SASS6: variants seen among roughly 807,000 people sequenced by gnomAD.
The protein encoded by SASS6 is spindle assembly abnormal protein 6 homolog.
SASS6 carries 59 observed loss-of-function variants against 94.9 expected under a neutral mutation model. The observed-to-expected ratio is 0.62, with a 90% CI of 0.50 to 0.77. The LOEUF (loss-of-function observed/expected upper bound fraction) is 0.77, where lower values mean the gene tolerates loss of function less well. Ranked by LOEUF, SASS6 falls within the 30% of genes least tolerant of loss-of-function variation. The pLI is 0.00. For missense variants in SASS6, 698 were observed against 734.1 expected (o/e 0.95, Z 0.57); for synonymous variants, 264 against 270.0 (o/e 0.98, Z 0.22).
At chr1:100,120,490 T>TG in intron 5 of SASS6, 31 bp from the exon 6 acceptor site, 3 of 982,646 alleles carry the variant, frequency 3.1e-6, no homozygotes, top group Non-Finnish European at 4.9e-6. Flanking sequence ...ATTACACAGT[T>TG]TACAATGTAA....
intron 14 of SASS6, among the ~76,000 whole-genome samples, chr1:100,089,592 A>T (rs892333527): frequency 1.3e-5 from 2 of 152,148 alleles, no homozygotes; most frequent in African/African-American, 2.4e-5. Flanking sequence ...GCAACAACGG[A>T]ATAACATCTT....
intron 7 of SASS6, among the ~76,000 whole-genome samples, chr1:100,114,473 C>G (rs1251080560): frequency 6.6e-6 from 1 of 150,972 alleles, no homozygotes; most frequent in Non-Finnish European, 1.5e-5. Context: ...CATTTGAGGC[C>G]AGAAGATTGA....
Position 100,085,365 on chromosome 1 carries a change from G to A in SASS6, c.1937C>T (p.Ser646Phe), listed in dbSNP as rs1651161176. 1 of 1,613,352 alleles carries A rather than the reference G, an allele frequency of 6.2e-7. No individual in the cohort carries two copies. The highest frequency in any genetic ancestry group is 2.2e-5 in the East Asian group (1 of 44,860). ...TAACTGCCCAGGGAAATAGGCTGAA[G>A]ACGCAGAGGGGAGCGCTGTGGGTTT... Reference protein sequence around the residue: ...SSKPTALPSASSAYFPGQLPN... With the variant: ...SSKPTALPSAFSAYFPGQLPN... The change falls in exon 17 of 17, where the codon TCT (serine) becomes TTT (phenylalanine). Residue 646 changes from serine (S) to phenylalanine (F), a missense_variant. By Grantham distance (155) the Ser-to-Phe change is radical. Transcript: ENST00000287482.
intron 7 of SASS6, among the ~76,000 whole-genome samples, chr1:100,118,433 C>G (rs1653946304): frequency 6.6e-6 from 1 of 152,124 alleles, no homozygotes; most frequent in African/African-American, 2.4e-5. Flanking sequence ...TTTTGGGTGG[C>G]AAATTTGCAG....
chr1:100,099,768 T>C (rs1465585713), intron 14 of SASS6, among the ~76,000 whole-genome samples: 4 of 152,172 alleles, frequency 2.6e-5, no homozygotes, highest in Non-Finnish European at 5.9e-5. Flanking sequence ...TCCACTCCAC[T>C]ACTATTTTGT....
At chr1:100,117,511 A>G (rs893314736) in intron 7 of SASS6, among the ~76,000 whole-genome samples, 1 of 151,798 alleles carries the variant, frequency 6.6e-6, no homozygotes, top group Non-Finnish European at 1.5e-5. Context: ...TTAGCCAGGC[A>G]TGGTGGTGGC....
At chr1:100,085,734 T>C (rs1651200952) in intron 15 of SASS6, 104 bp from the exon 16 acceptor site, 2 of 671,118 alleles carry the variant, frequency 3.0e-6, no homozygotes, top group Non-Finnish European at 5.0e-6. Flanking sequence ...CTAAGTTCTA[T>C]TTATAGCTTA....
At chr1:100,125,777 G>A (rs778170352) in intron 2 of SASS6, 105 bp downstream of exon 2, 13 of 692,078 alleles carry the variant, frequency 1.9e-5, no homozygotes, top group Non-Finnish European at 2.8e-5. Flanking sequence ...AGCCTAAAAT[G>A]TAAAAGCAAA....
In SASS6 at chr1:100,102,998, G is replaced by A. The variant is rs540974549; in HGVS notation, c.1631C>T (p.Ser544Leu). Residue 544 changes from serine (S) to leucine (L), a missense_variant, in exon 14 of 17, where the codon TCG becomes TTG. By Grantham distance (145) the Ser-to-Leu change is moderately radical. Coordinates refer to ENST00000287482, the MANE Select transcript of SASS6 (RefSeq NM_194292.3). ...AFAFQNTFPH[S>L]ISAKNTSHPG... ...GTGGCTGGTATTTTTGGCAGATATC[G>A]AATGAGGGAAGGTATTCTGGAATGC... 19 of 1,611,222 alleles carry A rather than the reference G, an allele frequency of 1.2e-5. No individual in the cohort carries two copies. The highest frequency in any genetic ancestry group is 1.1e-4 in the African/African-American group (8 of 74,934).
At position 100,128,816 on chromosome 1, in the gene SASS6, CTTT is replaced by C. The variant is rs1184183696; in HGVS notation, c.66-2877_66-2875del. Among the ~76,000 whole-genome samples, 377 of 152,282 alleles carry C rather than the reference CTTT, an allele frequency of 2.5e-3. 4 individuals are homozygous for C. The East Asian group carries it at 0.026, about 11-fold the overall frequency. On this transcript the variant is annotated intron_variant, in intron 1 of 16. Coordinates refer to ENST00000287482, the MANE Select transcript of SASS6 (RefSeq NM_194292.3). ...AAAAGTATTCTAAACATCAGGCTTG[CTTT>C]AGCACAACTGGATTCTAGGCCATCT...
intron 2 of SASS6, among the ~76,000 whole-genome samples, chr1:100,125,055 T>C (rs766061185): frequency 1.3e-5 from 2 of 152,124 alleles, no homozygotes; most frequent in Non-Finnish European, 2.9e-5. Context: ...CTCTATTCTA[T>C]ATCCTTAGTT....
At chr1:100,107,292 C>A in intron 11 of SASS6, 82 bp downstream of exon 11, 1 of 827,102 alleles carries the variant, frequency 1.2e-6, no homozygotes, top group South Asian at 1.6e-5. Flanking sequence ...AGACCAAAGC[C>A]ATTTGTTAAT....
chr1:100,088,445 G>A (rs574299361), intron 14 of SASS6, among the ~76,000 whole-genome samples: 4 of 152,116 alleles, frequency 2.6e-5, no homozygotes, highest in East Asian at 3.9e-4. Context: ...TACACGCCAC[G>A]AAGTCTGGCT....
chr1:100,122,911 C>A (rs1191703839), intron 3 of SASS6, among the ~76,000 whole-genome samples: 2 of 151,884 alleles, frequency 1.3e-5, no homozygotes, highest in South Asian at 2.1e-4. Flanking sequence ...TTTACTAACG[C>A]TTGTTATAAT....
rs1240806383 is a variant in SASS6 at position 100,107,465 on chromosome 1, T to C, written c.1235A>G (p.Glu412Gly). Reference sequence around the variant, plus strand: ...TTCCTCCTTCTCAGCCAAGAGTTTTTCTTGCTGAATAGTAACTGTATTCTT... The same window carrying C: ...TTCCTCCTTCTCAGCCAAGAGTTTTCCTTGCTGAATAGTAACTGTATTCTT... ...KLKNTVTIQQ[E>G]KLLAEKEEKL... Residue 412 changes from glutamate (E) to glycine (G), a missense_variant, in exon 11 of 17, where the codon GAA (glutamate) becomes GGA (glycine). Physicochemically the swap from Glu to Gly is moderately conservative, Grantham distance 98 (BLOSUM62 -2). Coordinates refer to ENST00000287482, the MANE Select transcript of SASS6 (RefSeq NM_194292.3). The C allele has an allele frequency of 1.2e-5, 19 of 1,605,658 alleles. No individual in the cohort carries two copies. The highest frequency in any genetic ancestry group is 1.5e-5 in the Non-Finnish European group (18 of 1,172,760).
intron 1 of SASS6, among the ~76,000 whole-genome samples, chr1:100,130,715 AAG>A (rs1265152527): frequency 3.3e-5 from 5 of 150,958 alleles, no homozygotes; most frequent in Admixed American, 2.6e-4. Context: ...GAGAGAGAGA[AAG>A]AGAGAGAGTC....
rs1000169963 is a variant in SASS6 at position 100,100,280 on chromosome 1, AAATG to A, written c.1674+2671_1674+2674del. Among the ~76,000 whole-genome samples the A allele has an allele frequency of 2.0e-5, 3 of 152,106 alleles. 1 individual carries two copies. Among genetic ancestry groups the A allele is most frequent in the Non-Finnish European group, 4.4e-5 (3 of 68,040 alleles). ...GACTCTGTCACAAAAATAAATGAAT[AAATG>A]AATGAATGAATAAACAGTTTAGTTT... On this transcript the variant is annotated intron_variant, in intron 14 of 16. Coordinates refer to ENST00000287482, the MANE Select transcript of SASS6 (RefSeq NM_194292.3).
At chr1:100,120,906 C>T (rs376224465) in intron 5 of SASS6, among the ~76,000 whole-genome samples, 1,783 of 151,480 alleles carry the variant, frequency 0.012, 39 homozygotes, top group African/African-American at 0.04. Context: ...AAAAATTAGC[C>T]GGGCGTAGTG....
intron 7 of SASS6, among the ~76,000 whole-genome samples, chr1:100,110,924 A>T (rs976722751): frequency 6.6e-6 from 1 of 152,032 alleles, no homozygotes; most frequent in African/African-American, 2.4e-5. Flanking sequence ...TATATGCTTT[A>T]TAATGGAAAA....
Sources: gnomAD v4.1 joint callset for allele counts (sites outside exome capture counted in the v4.1 genomes callset) on GRCh38, gnomAD v4.1.1 for gene constraint, MANE v1.5 for transcripts, NCBI Gene and HGNC (gene_info 2026-07-23, HGNC 2026-07-21) for gene names.